C12orf42: variants seen among roughly 807,000 people sequenced by gnomAD.
C12orf42 encodes uncharacterized protein C12orf42.
A neutral mutation model predicts 21.6 loss-of-function variants in C12orf42; 25 were observed. The ratio of observed to expected loss-of-function variants is 1.16; its 90% CI spans 0.84 to 1.62. The LOEUF (loss-of-function observed/expected upper bound fraction) is 1.62. Ranked by LOEUF, C12orf42 falls within the 40% of genes most tolerant of loss-of-function variation. The probability of loss-of-function intolerance (pLI) is 0.00; values close to 1 mark genes in which losing one functional copy is unlikely to be tolerated. For synonymous variants in C12orf42, 174 were observed against 175.0 expected (o/e 0.99, Z 0.05); for missense variants, 483 against 459.3 (o/e 1.05, Z -0.47).
intron 4 of C12orf42, among the ~76,000 whole-genome samples, chr12:103,308,140 C>G (rs1212702567): frequency 6.6e-6 from 1 of 152,038 alleles, no homozygotes; most frequent in Non-Finnish European, 1.5e-5. Flanking sequence ...TAGGAATATT[C>G]TAACTATTAA....
At chr12:103,532,597 AAATTT>A in the C12orf42 span, among the ~76,000 whole-genome samples, 1 of 152,202 alleles carries the variant, frequency 6.6e-6, no homozygotes, top group Non-Finnish European at 1.5e-5. Flanking sequence ...AAACTAAAGA[AAATTT>A]AATAAGAAAG....
At chr12:103,083,523 G>T in the C12orf42 span, among the ~76,000 whole-genome samples, 1 of 152,184 alleles carries the variant, frequency 6.6e-6, no homozygotes, top group Non-Finnish European at 1.5e-5. Context: ...TGTACTAGAA[G>T]TATAGTGAAA....
the C12orf42 span, among the ~76,000 whole-genome samples, chr12:103,216,282 A>G: frequency 2.6e-4 from 39 of 152,182 alleles, no homozygotes; most frequent in African/African-American, 9.4e-4. Flanking sequence ...GGTCAGATGT[A>G]TAATTATTTG....
the C12orf42 span, among the ~76,000 whole-genome samples, chr12:103,051,767 A>G: frequency 6.6e-6 from 1 of 151,854 alleles, no homozygotes; most frequent in Non-Finnish European, 1.5e-5. Context: ...GCTTCCTACT[A>G]TTGTGCCACT....
chr12:103,363,779 C>T (rs2044332811), intron 4 of C12orf42, among the ~76,000 whole-genome samples: 1 of 151,990 alleles, frequency 6.6e-6, no homozygotes, highest in Non-Finnish European at 1.5e-5. Flanking sequence ...AAGGTCTTAT[C>T]CAACAGGAAA....
intron 2 of C12orf42, among the ~76,000 whole-genome samples, chr12:103,436,438 T>A (rs1592802798): frequency 6.6e-6 from 1 of 151,946 alleles, no homozygotes; most frequent in African/African-American, 2.4e-5. Context: ...AATGCTCCAA[T>A]TAAAAGACAC....
chr12:103,164,648 T>C, the C12orf42 span: 10 of 441,040 alleles, frequency 2.3e-5, no homozygotes, highest in Non-Finnish European at 4.1e-5. Context: ...TAAGTTTGCA[T>C]TGTTGTCTGT....
the C12orf42 span, among the ~76,000 whole-genome samples, chr12:103,191,307 AG>A: frequency 0.36 from 54,073 of 151,898 alleles, 10,567 homozygotes; most frequent in South Asian, 0.44. Context: ...GCAACACAAA[AG>A]CTTGTGAAGG....
At chr12:103,296,137 G>C (rs964374427) in intron 4 of C12orf42, among the ~76,000 whole-genome samples, 9 of 151,534 alleles carry the variant, frequency 5.9e-5, no homozygotes, top group Admixed American at 2.6e-4. Flanking sequence ...CCTTGTGATA[G>C]TTTGCTGAGA....
At chr12:103,062,878 C>G in the C12orf42 span, among the ~76,000 whole-genome samples, 1 of 152,102 alleles carries the variant, frequency 6.6e-6, no homozygotes, top group African/African-American at 2.4e-5. Flanking sequence ...TTATTTGAAG[C>G]ACACATATGT....
chr12:103,556,879 G>C, the C12orf42 span, among the ~76,000 whole-genome samples: 2 of 151,418 alleles, frequency 1.3e-5, no homozygotes, highest in East Asian at 1.9e-4. Flanking sequence ...AGAAGAGACA[G>C]AGGGAGAAGA....
intron 4 of C12orf42, among the ~76,000 whole-genome samples, chr12:103,353,226 A>G (rs568102780): frequency 6.6e-6 from 1 of 151,002 alleles, no homozygotes; most frequent in South Asian, 2.1e-4. Context: ...GGACCAATGG[A>G]CTGATGGCCG....
intron 3 of C12orf42, among the ~76,000 whole-genome samples, chr12:103,393,412 G>C (rs2047238795): frequency 1.3e-5 from 2 of 152,020 alleles, no homozygotes; most frequent in Admixed American, 1.3e-4. Flanking sequence ...AGCGATGAGG[G>C]ATCCACGTCC....
At chr12:103,436,075 G>A (rs914796199) in intron 2 of C12orf42, among the ~76,000 whole-genome samples, 1 of 152,152 alleles carries the variant, frequency 6.6e-6, no homozygotes, top group African/African-American at 2.4e-5. Flanking sequence ...CTACAAGCCA[G>A]AAGAGAGTGG....
the C12orf42 span, chr12:103,081,670 T>G: frequency 2.0e-5 from 3 of 152,184 alleles, no homozygotes; most frequent in African/African-American, 7.2e-5. Context: ...TTCTCTCTAT[T>G]CCGAAGGCAT....
chr12:103,052,806 A>T, the C12orf42 span, among the ~76,000 whole-genome samples: 3,425 of 152,106 alleles, frequency 0.023, 58 homozygotes, highest in African/African-American at 0.044. Flanking sequence ...AGATCTATGA[A>T]CTATTTGGAA....
intron 10 of C12orf42, among the ~76,000 whole-genome samples, chr12:103,241,197 A>T (rs1178827352): frequency 3.9e-5 from 6 of 152,012 alleles, no homozygotes; most frequent in Non-Finnish European, 8.8e-5. Flanking sequence ...AAAAAAAAAA[A>T]AAGAAAACAT....
the C12orf42 span, among the ~76,000 whole-genome samples, chr12:103,120,817 A>G: frequency 6.7e-6 from 1 of 150,174 alleles, no homozygotes. Flanking sequence ...AACATGTATT[A>G]TATACTATAA....
At chr12:103,227,814 C>T in the C12orf42 span, among the ~76,000 whole-genome samples, 9 of 152,028 alleles carry the variant, frequency 5.9e-5, no homozygotes, top group South Asian at 6.3e-4. Flanking sequence ...TTTGGGTCCA[C>T]GGATAAAATG....
Sources: allele counts gnomAD v4.1 joint callset (sites outside exome capture counted in the v4.1 genomes callset), GRCh38; gene constraint gnomAD v4.1.1; transcripts MANE v1.5; gene names NCBI Gene and HGNC (gene_info 2026-07-23, HGNC 2026-07-21).